Variants in RYR3 observed in about 807,000 individuals in gnomAD.
The protein encoded by RYR3 is brain ryanodine receptor-calcium release channel.
RYR3 carries 207 observed loss-of-function variants against 584.3 expected under a neutral mutation model. The ratio of observed to expected loss-of-function variants is 0.35; its 90% confidence interval spans 0.32 to 0.40. The LOEUF is 0.40. Among genes scored for constraint, RYR3 ranks in the 10% least tolerant of loss-of-function variants. The pLI, the probability that RYR3 is intolerant of heterozygous loss-of-function variation, is 1.00. For missense variants in RYR3, 5,616 were observed against 6,089.2 expected (o/e 0.92, Z 2.59); for synonymous variants, 2,416 against 2,248.5 (o/e 1.07, Z -2.11).
At chr15:33,636,628 A>G in intron 27 of RYR3, 78 bp downstream of exon 27, 3 of 1,282,304 alleles carry the variant, frequency 2.3e-6, no homozygotes, top group East Asian at 2.3e-5. Flanking sequence ...GACCTGCTCT[A>G]CTTCCTTATT....
At chr15:33,795,557 G>A (rs562296630) in intron 67 of RYR3, among the ~76,000 whole-genome samples, 2 of 151,846 alleles carry the variant, frequency 1.3e-5, no homozygotes, top group Admixed American at 1.3e-4. Flanking sequence ...ACTACGCCTG[G>A]CTAATTTTGT....
chr15:33,727,694 A>G (rs2068585819), intron 46 of RYR3, among the ~76,000 whole-genome samples: 1 of 152,136 alleles, frequency 6.6e-6, no homozygotes, highest in Admixed American at 6.5e-5. Context: ...ATTCCTGGGC[A>G]GGACGAGAGT....
At chr15:33,711,459 G>A (rs567238880) in intron 43 of RYR3, among the ~76,000 whole-genome samples, 1 of 152,052 alleles carries the variant, frequency 6.6e-6, no homozygotes, top group South Asian at 2.1e-4. Flanking sequence ...TAGCCAGGAT[G>A]GTCTCAATCT....
At chr15:33,624,131 T>C in intron 20 of RYR3, 108 bp downstream of exon 20, 2 of 786,936 alleles carry the variant, frequency 2.5e-6, no homozygotes, top group Non-Finnish European at 4.2e-6. Flanking sequence ...TGCTCCAGAA[T>C]TGTTGTATAA....
At chr15:33,682,950 C>T (rs2064733623) in intron 38 of RYR3, among the ~76,000 whole-genome samples, 1 of 151,974 alleles carries the variant, frequency 6.6e-6, no homozygotes, top group African/African-American at 2.4e-5. Flanking sequence ...ACCTCTTCAC[C>T]TCAATGTCAT....
At chr15:33,496,576 C>G (rs16971764) in intron 2 of RYR3, among the ~76,000 whole-genome samples, 8,767 of 152,150 alleles carry the variant, frequency 0.058, 367 homozygotes, top group Non-Finnish European at 0.085. Flanking sequence ...TCTGTAAAGC[C>G]TGTAATTTTA....
At chr15:33,747,367 A>C (rs1398678801) in intron 53 of RYR3, among the ~76,000 whole-genome samples, 2 of 136,398 alleles carry the variant, frequency 1.5e-5, no homozygotes, top group African/African-American at 5.3e-5. Context: ...CATAGACCAA[A>C]AGAGAAATCT....
chr15:33,565,906 A>G (rs1184945479), intron 11 of RYR3, among the ~76,000 whole-genome samples: 1 of 152,232 alleles, frequency 6.6e-6, no homozygotes, highest in East Asian at 1.9e-4. Context: ...GATCAGTACT[A>G]TACTGCCTCT....
chr15:33,859,852 C>G, intron 100 of RYR3, 121 bp downstream of exon 100: 3 of 1,121,028 alleles, frequency 2.7e-6, no homozygotes, highest in Non-Finnish European at 3.8e-6. Context: ...GTTAATTTAG[C>G]AAGAACTAAT....
chr15:33,690,366 T>C (rs2065334774), intron 38 of RYR3, among the ~76,000 whole-genome samples: 1 of 152,248 alleles, frequency 6.6e-6, no homozygotes, highest in African/African-American at 2.4e-5. Flanking sequence ...GATGAATGAA[T>C]AATAGCCAGG....
At chr15:33,624,854 C>T (rs1224185692) in intron 20 of RYR3, among the ~76,000 whole-genome samples, 1 of 152,170 alleles carries the variant, frequency 6.6e-6, no homozygotes, top group East Asian at 1.9e-4. Flanking sequence ...TGGGGTTAAT[C>T]ATTTCCCCAA....
chr15:33,573,458 T>G (rs1334740826), intron 12 of RYR3, among the ~76,000 whole-genome samples: 1 of 152,162 alleles, frequency 6.6e-6, no homozygotes, highest in Non-Finnish European at 1.5e-5. Context: ...GGTTAAAATT[T>G]CATCATGCTA....
chr15:33,793,512 G>A (rs558480951), intron 67 of RYR3, among the ~76,000 whole-genome samples: 2 of 152,110 alleles, frequency 1.3e-5, no homozygotes, highest in South Asian at 4.2e-4. Flanking sequence ...ATAAACCCAG[G>A]TATGGTCAAA....
chr15:33,480,738 A>T (rs2142334873), intron 2 of RYR3, among the ~76,000 whole-genome samples: 1 of 152,284 alleles, frequency 6.6e-6, no homozygotes, highest in East Asian at 1.9e-4. Flanking sequence ...ATCTTTTTCA[A>T]TGTATGGAGA....
At position 33,812,952 on chromosome 15, in the gene RYR3, G is replaced by A; in HGVS notation, c.10347G>A (p.Glu3449=). Residue 3449 remains glutamate, a synonymous_variant, in exon 73 of 104, where the codon GAG becomes GAA. Transcript: ENST00000634891. The part of the protein sequence containing the change: ...EEPFNPEKTV[E]RVQRISAAVF... The stretch of plus-strand genomic sequence containing the variant: ...CTTTCAATCCGGAAAAGACAGTGGA[G>A]CGTGTGCAGAGAATTTCAGCAGCTG... 6.2e-7 allele frequency: 1 copy of A among 1,614,034 alleles called. No individual in the cohort carries two copies. The highest frequency in any genetic ancestry group is 8.5e-7 in the Non-Finnish European group (1 of 1,179,888).
intron 43 of RYR3, among the ~76,000 whole-genome samples, chr15:33,712,266 C>T (rs2067176351): frequency 1.3e-5 from 2 of 152,146 alleles, no homozygotes; most frequent in African/African-American, 2.4e-5. Context: ...GGCCCCACCT[C>T]CAGCATTGGG....
chr15:33,774,607 G>A (rs1441137545), intron 64 of RYR3, among the ~76,000 whole-genome samples: 1 of 152,184 alleles, frequency 6.6e-6, no homozygotes, highest in African/African-American at 2.4e-5. Flanking sequence ...ACCAAAAAAT[G>A]TTGTAGAAAT....
chr15:33,656,280 A>G (rs1212825317), intron 32 of RYR3, among the ~76,000 whole-genome samples: 1 of 152,240 alleles, frequency 6.6e-6, no homozygotes, highest in Non-Finnish European at 1.5e-5. Flanking sequence ...TCAGTGGCAT[A>G]CCACGGCAGT....
chr15:33,825,858 G>A (rs976731377), intron 82 of RYR3, 182 bp downstream of exon 82: 12 of 532,556 alleles, frequency 2.3e-5, no homozygotes, highest in Admixed American at 6.9e-5. Context: ...TCATCCTCCC[G>A]AGTAGATGGG....
Sources: allele counts gnomAD v4.1 joint callset (sites outside exome capture counted in the v4.1 genomes callset), GRCh38; gene constraint gnomAD v4.1.1; transcripts MANE v1.5; gene names NCBI Gene and HGNC (gene_info 2026-07-23, HGNC 2026-07-21).